Variants in ZNF423 observed in about 807,000 individuals in gnomAD.
ZNF423 encodes zinc finger protein 423.
Under a neutral mutation model 95.8 loss-of-function variants are expected in ZNF423, and 12 were observed. That is an observed-to-expected ratio of 0.13 (90% CI 0.08 to 0.20). The LOEUF (loss-of-function observed/expected upper bound fraction) is 0.20. ZNF423 is among the 10% of genes least tolerant of loss of function. The pLI is 1.00. For missense variants in ZNF423, 1,316 were observed against 1,737.1 expected (o/e 0.76, Z 4.31); for synonymous variants, 749 against 711.9 (o/e 1.05, Z -0.83).
intron 1 of ZNF423, among the ~76,000 whole-genome samples, chr16:49,803,782 C>T (rs2034616012): frequency 6.6e-6 from 1 of 151,808 alleles, no homozygotes; most frequent in African/African-American, 2.4e-5. Flanking sequence ...CAAGACAAAA[C>T]CAAGTAGAGG....
rs1378013999 is a variant in ZNF423, at chr16:49,634,494, C to T, written c.3516+1166G>A. 2.0e-5 allele frequency among the ~76,000 whole-genome samples: 3 copies of T among 152,048 alleles called. No homozygotes were observed. The East Asian group carries it at 5.8e-4, about 29-fold the overall frequency. On this transcript the variant is annotated intron_variant, in intron 4 of 7. Coordinates refer to ENST00000563137, the MANE Select transcript of ZNF423 (RefSeq NM_001379286.1). Reference sequence around the variant, plus strand: ...GGCCCCTTCCGCTGTGGGGTCCTCCCTTTACTCTCTCTGGCCCTCTTCTCT... The same window carrying T: ...GGCCCCTTCCGCTGTGGGGTCCTCCTTTTACTCTCTCTGGCCCTCTTCTCT...
intron 1 of ZNF423, among the ~76,000 whole-genome samples, chr16:49,814,278 C>T (rs1002176414): frequency 2.0e-5 from 3 of 152,004 alleles, no homozygotes; most frequent in African/African-American, 7.2e-5. Context: ...CCCGTGGGCT[C>T]TGGGGGGTGG....
chr16:49,731,662 ATT>A (rs57182010), intron 2 of ZNF423, among the ~76,000 whole-genome samples: 1 of 151,402 alleles, frequency 6.6e-6, no homozygotes. Context: ...AAAAAAAAAA[ATT>A]TTTTTTTAAT....
At chr16:49,496,671 A>T (rs2151650418) in intron 7 of ZNF423, among the ~76,000 whole-genome samples, 1 of 152,354 alleles carries the variant, frequency 6.6e-6, no homozygotes, top group Middle Eastern at 3.4e-3. Flanking sequence ...AGATGCCCTG[A>T]GGACTCAGGA....
intron 3 of ZNF423, among the ~76,000 whole-genome samples, chr16:49,652,037 C>A (rs1973427338): frequency 6.6e-6 from 1 of 152,124 alleles, no homozygotes; most frequent in Admixed American, 6.5e-5. Flanking sequence ...CAGATGGAGC[C>A]CAACGCTCTC....
At chr16:49,810,895 G>C (rs1186335729) in intron 1 of ZNF423, among the ~76,000 whole-genome samples, 1 of 152,152 alleles carries the variant, frequency 6.6e-6, no homozygotes, top group Admixed American at 6.5e-5. Context: ...GCAGGGCAGC[G>C]CTGAGAGTCC....
intron 1 of ZNF423, among the ~76,000 whole-genome samples, chr16:49,819,965 G>A (rs2034914942): frequency 6.6e-6 from 1 of 152,100 alleles, no homozygotes; most frequent in Admixed American, 6.5e-5. Flanking sequence ...GTTAAGATAA[G>A]CTCGCTAAGC....
chr16:49,852,226 G>A (rs961338636), intron 1 of ZNF423, among the ~76,000 whole-genome samples: 4 of 152,132 alleles, frequency 2.6e-5, no homozygotes, highest in Admixed American at 2.0e-4. Context: ...GGTCACTGGG[G>A]GTACTTTGGG....
intron 5 of ZNF423, among the ~76,000 whole-genome samples, chr16:49,563,745 C>G (rs77418416): frequency 6.6e-6 from 1 of 152,220 alleles, no homozygotes; most frequent in African/African-American, 2.4e-5. Flanking sequence ...CCCTCACCCC[C>G]TGAGACCCCT....
intron 1 of ZNF423, among the ~76,000 whole-genome samples, chr16:49,851,870 G>A (rs543678376): frequency 6.6e-6 from 1 of 152,152 alleles, no homozygotes; most frequent in Non-Finnish European, 1.5e-5. Context: ...CCAAAGCTGG[G>A]AATCGATAAC....
At chr16:49,568,052 TA>T (rs1332804702) in intron 5 of ZNF423, among the ~76,000 whole-genome samples, 1 of 152,024 alleles carries the variant, frequency 6.6e-6, no homozygotes, top group African/African-American at 2.4e-5. Flanking sequence ...CCTGGCCAAT[TA>T]GTGTATTCCA....
intron 5 of ZNF423, among the ~76,000 whole-genome samples, chr16:49,567,036 T>C (rs570661460): frequency 1.2e-4 from 19 of 152,236 alleles, no homozygotes; most frequent in African/African-American, 4.3e-4. Flanking sequence ...CAGAAAGGAA[T>C]GGGCCCAAAT....
chr16:49,718,418 T>C (rs527959673), intron 3 of ZNF423, among the ~76,000 whole-genome samples: 26 of 152,050 alleles, frequency 1.7e-4, no homozygotes, highest in African/African-American at 5.8e-4. Flanking sequence ...AAATAAAAGA[T>C]CTGTGAATGA....
intron 5 of ZNF423, among the ~76,000 whole-genome samples, chr16:49,551,107 G>T (rs1307621526): frequency 1.3e-5 from 2 of 152,190 alleles, no homozygotes; most frequent in African/African-American, 2.4e-5. Context: ...TTCCAGGTGG[G>T]CCCCCCACGG....
chr16:49,509,752 T>C (rs1213540616), intron 7 of ZNF423, among the ~76,000 whole-genome samples: 1 of 152,188 alleles, frequency 6.6e-6, no homozygotes, highest in Admixed American at 6.5e-5. Context: ...AAGAAAGTTC[T>C]GACACAAATG....
chr16:49,767,387 T>C (rs1272309145), intron 2 of ZNF423, among the ~76,000 whole-genome samples: 1 of 152,136 alleles, frequency 6.6e-6, no homozygotes, highest in Non-Finnish European at 1.5e-5. Context: ...TCCATCTTTG[T>C]TCCCAGCCAA....
At chr16:49,510,417 C>G (rs1309369377) in intron 7 of ZNF423, among the ~76,000 whole-genome samples, 1 of 152,188 alleles carries the variant, frequency 6.6e-6, no homozygotes, top group Non-Finnish European at 1.5e-5. Context: ...CAGGCCTGAA[C>G]CCTTCGCCGC....
chr16:49,703,423 C>T (rs901905075), intron 3 of ZNF423, among the ~76,000 whole-genome samples: 1 of 152,236 alleles, frequency 6.6e-6, no homozygotes, highest in Non-Finnish European at 1.5e-5. Flanking sequence ...TGCCCATCCA[C>T]CCAGCCCTAC....
rs202013818 is a variant in ZNF423 at position 49,635,860 on chromosome 16, G to T, written c.3316C>A (p.Arg1106Ser). The change falls in exon 4 of 8, where the codon CGC (arginine) becomes AGC (serine). Residue 1106 changes from arginine to serine, a missense_variant. Arg to Ser is a moderately radical substitution (Grantham distance 110). Transcript: ENST00000563137. This position sits in a 1 kb window ranked among gnomAD's most constrained non-coding sequence, Gnocchi z 4.8. The part of the protein sequence containing the change: ...PYGLCAGCMA[R>S]SANGQVGGLA... ...CCACCCACCTGTCCGTTGGCGCTGC[G>T]GGCCATGCAGCCGGCGCAGAGGCCG... 1 of 1,592,262 alleles carries T rather than the reference G, an allele frequency of 6.3e-7. No homozygotes were observed. The highest frequency in any genetic ancestry group is 8.5e-7 in the Non-Finnish European group (1 of 1,171,422).
Sources: gnomAD v4.1 joint callset for allele counts (sites outside exome capture counted in the v4.1 genomes callset) on GRCh38, gnomAD v4.1.1 for gene constraint, Gnocchi (gnomAD v3.1) non-coding constraint, MANE v1.5 for transcripts, NCBI Gene and HGNC (gene_info 2026-07-23, HGNC 2026-07-21) for gene names.